The following GRID1 variants were observed in gnomAD, a reference collection of about 807,000 sequenced individuals.
GRID1 encodes glutamate receptor ionotropic, delta-1.
A neutral mutation model predicts 98.0 loss-of-function variants in GRID1; 28 were observed. The ratio of observed to expected loss-of-function variants is 0.29; its 90% CI spans 0.21 to 0.39. The LOEUF is 0.39. Among genes scored for constraint, GRID1 ranks in the 10% least tolerant of loss-of-function variants. The probability of loss-of-function intolerance (pLI) is 1.00; values close to 1 mark genes in which losing one functional copy is unlikely to be tolerated. For missense variants in GRID1, 1,111 were observed against 1,340.5 expected (o/e 0.83, Z 2.67); for synonymous variants, 553 against 538.5 (o/e 1.03, Z -0.37).
At chr10:86,017,698 C>A (rs902063244) in intron 4 of GRID1, among the ~76,000 whole-genome samples, 4 of 152,200 alleles carry the variant, frequency 2.6e-5, no homozygotes, top group Non-Finnish European at 5.9e-5. Flanking sequence ...AAGTGTCCTT[C>A]CACCCTTGAG....
chr10:86,119,576 C>T (rs1364498945), intron 4 of GRID1, among the ~76,000 whole-genome samples: 1 of 152,110 alleles, frequency 6.6e-6, no homozygotes, highest in Non-Finnish European at 1.5e-5. Flanking sequence ...GGATACACTT[C>T]TAAAATACTC....
chr10:85,736,176 AAAGGAAGGAAGG>A (rs535493534), intron 8 of GRID1, among the ~76,000 whole-genome samples: 1 of 116,998 alleles, frequency 8.5e-6, no homozygotes, highest in African/African-American at 3.3e-5. Flanking sequence ...ACACAGGAAG[AAAGGAAGGAAGG>A]AGGGAAGGAA....
At chr10:86,228,377 G>C (rs1846392049) in intron 2 of GRID1, among the ~76,000 whole-genome samples, 1 of 151,738 alleles carries the variant, frequency 6.6e-6, no homozygotes, top group Non-Finnish European at 1.5e-5. Context: ...CTCTGGCCTT[G>C]GTCCCCCATC....
intron 2 of GRID1, among the ~76,000 whole-genome samples, chr10:86,290,816 T>C (rs1847501472): frequency 6.6e-6 from 1 of 152,098 alleles, no homozygotes; most frequent in Non-Finnish European, 1.5e-5. Flanking sequence ...TCAGCTTGGA[T>C]CATGAGGTGA....
intron 4 of GRID1, among the ~76,000 whole-genome samples, chr10:86,106,206 C>T (rs111940443): frequency 4.6e-5 from 7 of 151,932 alleles, no homozygotes; most frequent in African/African-American, 1.7e-4. Context: ...CACTGAACAC[C>T]GTCAAAAAAA....
chr10:86,055,325 ATGTTT>A (rs1843557833), intron 4 of GRID1, among the ~76,000 whole-genome samples: 1 of 152,204 alleles, frequency 6.6e-6, no homozygotes, highest in South Asian at 2.1e-4. Flanking sequence ...TATGGATTGA[ATGTTT>A]GTGTCCCGAC....
At chr10:86,322,309 G>T (rs186304546) in intron 2 of GRID1, among the ~76,000 whole-genome samples, 10 of 151,968 alleles carry the variant, frequency 6.6e-5, no homozygotes, top group Non-Finnish European at 1.3e-4. Context: ...AGACCTGAGA[G>T]AATATGGGAA....
At chr10:86,335,225 G>A (rs1013626254) in intron 2 of GRID1, among the ~76,000 whole-genome samples, 4 of 152,234 alleles carry the variant, frequency 2.6e-5, no homozygotes, top group African/African-American at 4.8e-5. Flanking sequence ...AGGATGCCAG[G>A]TGGGGGAAAG....
At chr10:86,017,270 G>T (rs1842991662) in intron 4 of GRID1, among the ~76,000 whole-genome samples, 1 of 152,208 alleles carries the variant, frequency 6.6e-6, no homozygotes, top group Admixed American at 6.5e-5. Flanking sequence ...AGTATCAAGA[G>T]ACATGTATAA....
intron 3 of GRID1, among the ~76,000 whole-genome samples, chr10:86,196,300 C>T (rs1229356333): frequency 6.6e-6 from 1 of 152,012 alleles, no homozygotes; most frequent in Non-Finnish European, 1.5e-5. Flanking sequence ...TTGTTCAGCG[C>T]TTGGCTCAAT....
At chr10:85,662,665 G>A (rs899553516) in intron 12 of GRID1, among the ~76,000 whole-genome samples, 1 of 152,216 alleles carries the variant, frequency 6.6e-6, no homozygotes, top group African/African-American at 2.4e-5. Context: ...AGCCTTGTAT[G>A]ACATTTTTCC....
intron 12 of GRID1, among the ~76,000 whole-genome samples, chr10:85,686,538 A>G (rs1448145204): frequency 1.3e-5 from 2 of 152,198 alleles, no homozygotes; most frequent in African/African-American, 4.8e-5. Context: ...CTAGTCCTAT[A>G]TGTACCAAAT....
At chr10:85,898,587 A>G (rs1841330942) in intron 5 of GRID1, among the ~76,000 whole-genome samples, 2 of 152,064 alleles carry the variant, frequency 1.3e-5, no homozygotes, top group Admixed American at 6.5e-5. Context: ...GCTTTTTTCT[A>G]TTTTTAAAAT....
intron 8 of GRID1, among the ~76,000 whole-genome samples, chr10:85,835,465 T>C (rs58290938): frequency 0.059 from 8,917 of 152,242 alleles, 896 homozygotes; most frequent in African/African-American, 0.2. Context: ...GATCTGATGA[T>C]TTTATAAATG....
chr10:85,728,558 A>G (rs1197795932), intron 9 of GRID1, among the ~76,000 whole-genome samples: 1 of 152,216 alleles, frequency 6.6e-6, no homozygotes, highest in Non-Finnish European at 1.5e-5. Flanking sequence ...CCAAGGCCAG[A>G]CCAGAAGCCA....
chr10:85,986,196 G>A (rs1012762041), intron 4 of GRID1, among the ~76,000 whole-genome samples: 19 of 152,182 alleles, frequency 1.2e-4, no homozygotes, highest in African/African-American at 4.1e-4. Context: ...AGAATTCCAC[G>A]GTAAGTCAGT....
At chr10:85,734,890 T>C (rs1841862818) in intron 8 of GRID1, among the ~76,000 whole-genome samples, 1 of 152,212 alleles carries the variant, frequency 6.6e-6, no homozygotes, top group Non-Finnish European at 1.5e-5. Flanking sequence ...ATGAAGGCTT[T>C]AAATGGATCA....
At chr10:86,235,934 G>C (rs917849967) in intron 2 of GRID1, among the ~76,000 whole-genome samples, 8 of 152,214 alleles carry the variant, frequency 5.3e-5, no homozygotes, top group African/African-American at 1.9e-4. Context: ...AAATGATATG[G>C]TGAAGTATAT....
intron 12 of GRID1, among the ~76,000 whole-genome samples, chr10:85,709,444 C>T (rs916631971): frequency 4.6e-5 from 7 of 152,176 alleles, no homozygotes; most frequent in African/African-American, 1.2e-4. Flanking sequence ...GGCCCAATTA[C>T]AAGACTAGTG....
Sources: gnomAD v4.1 joint callset for allele counts (sites outside exome capture counted in the v4.1 genomes callset) on GRCh38, gnomAD v4.1.1 for gene constraint, MANE v1.5 for transcripts, NCBI Gene and HGNC (gene_info 2026-07-23, HGNC 2026-07-21) for gene names.